The following MOK variants were observed in gnomAD, a reference collection of about 807,000 sequenced individuals.
MOK encodes the protein MOK protein kinase, also known as MAPK/MAK/MRK overlapping kinase.
A neutral mutation model predicts 54.2 loss-of-function variants in MOK; 59 were observed. That is an observed-to-expected ratio of 1.09 (90% CI 0.88 to 1.35). MOK has a LOEUF of 1.35. Ranked by LOEUF, MOK falls within the 40% of genes most tolerant of loss-of-function variation. MOK has a pLI of 0.00. For synonymous variants in MOK, 210 were observed against 202.7 expected (o/e 1.04, Z -0.31); for missense variants, 517 against 526.2 (o/e 0.98, Z 0.17).
In MOK at chr14:102,236,487, G is replaced by A. The variant is rs541261832; in HGVS notation, c.591-2698C>T. ...CCACACTCTTTCCTTATCATGCCTC[G>A]TTGCCCTACCCCCATCCTAGGCCAA... On this transcript the variant is annotated intron_variant, in intron 7 of 11. Coordinates refer to ENST00000361847, the MANE Select transcript of MOK (RefSeq NM_014226.3). The surrounding 1 kb of genome is among the most constrained non-coding windows in gnomAD (Gnocchi z 4.5). Among the ~76,000 whole-genome samples, 6 of 152,042 alleles carry A rather than the reference G, an allele frequency of 3.9e-5. No homozygotes were observed. Among genetic ancestry groups the A allele is most frequent in the African/African-American group, 1.2e-4 (5 of 41,374 alleles).
In MOK at chr14:102,229,438, G is replaced by C. The variant is rs781649039; in HGVS notation, c.1182+19C>G. On this transcript the variant is annotated intron_variant, in intron 11 of 11. Transcript: ENST00000361847. The stretch of plus-strand genomic sequence containing the variant: ...TGGGTCGAAGAGCAGCGCCGTCAGA[G>C]AAGCTGGTTCCGCGCTACCTTCTTG... The C allele has an allele frequency of 6.2e-7, 1 of 1,614,198 alleles. No individual in the cohort carries two copies. The highest frequency in any genetic ancestry group is 8.5e-7 in the Non-Finnish European group (1 of 1,180,026).
intron 1 of MOK, among the ~76,000 whole-genome samples, chr14:102,300,346 A>AAG (rs2072035523): frequency 6.7e-6 from 1 of 148,228 alleles, no homozygotes; most frequent in East Asian, 2.0e-4. Flanking sequence ...AAAAAAAAAA[A>AAG]GCCTGGGCTG....
At chr14:102,287,557 T>G (rs138658099) in intron 1 of MOK, among the ~76,000 whole-genome samples, 9 of 152,138 alleles carry the variant, frequency 5.9e-5, no homozygotes, top group African/African-American at 2.2e-4. Context: ...AACTAAAAGG[T>G]GATCAAAAGA....
intron 3 of MOK, among the ~76,000 whole-genome samples, chr14:102,265,500 T>C (rs921819078): frequency 1.3e-5 from 2 of 151,994 alleles, no homozygotes; most frequent in Admixed American, 1.3e-4. Context: ...GGCGTGGTTG[T>C]GGGTGCCTGT....
chr14:102,223,891 A>G (rs1049025620), downstream of MOK, among the ~76,000 whole-genome samples: 54 of 152,240 alleles, frequency 3.5e-4, no homozygotes, highest in African/African-American at 1.3e-3. Context: ...GGGCAGCTGC[A>G]CGTCTGCACA....
intron 7 of MOK, among the ~76,000 whole-genome samples, chr14:102,248,812 C>T (rs1343369985): frequency 2.6e-5 from 4 of 151,134 alleles, no homozygotes; most frequent in African/African-American, 4.9e-5. Context: ...CCCCAGGATG[C>T]GGCCATACCA....
Position 102,283,612 on chromosome 14 carries a change from C to T in MOK, c.8-20G>A, listed in dbSNP as rs776325576. The T allele has an allele frequency of 3.4e-5, 51 of 1,506,568 alleles. No individual in the cohort carries two copies. The highest frequency in any genetic ancestry group is 1.7e-4 in the Middle Eastern group (1 of 5,858). The allele number at this position is 1,506,568 out of a possible 1,614,324, so 93.3% of individuals were successfully genotyped here. ...TATAGTCTATAAATAAAAATGATTA[C>T]AAAAATAAAATGTTATTTATGCATA... is the stretch of plus-strand genomic sequence containing the variant. On this transcript the variant is annotated intron_variant, in intron 1 of 11. Transcript: ENST00000361847.
chr14:102,287,438 C>T (rs1044969130), intron 1 of MOK, among the ~76,000 whole-genome samples: 2 of 152,090 alleles, frequency 1.3e-5, no homozygotes, highest in East Asian at 1.9e-4. Context: ...GAAACCCCAT[C>T]GTACTAAAAA....
At position 102,231,839 on chromosome 14, in the gene MOK, A is replaced by G; in HGVS notation, c.867-18T>C. 1 of 1,603,790 alleles carries G rather than the reference A, an allele frequency of 6.2e-7. No homozygotes were observed. The highest frequency in any genetic ancestry group is 8.5e-7 in the Non-Finnish European group (1 of 1,171,842). On this transcript the variant is annotated intron_variant, in intron 9 of 11. Transcript: ENST00000361847. The surrounding 1 kb of genome is among the most constrained non-coding windows in gnomAD (Gnocchi z 4.4). ...CTGTTTTCCTACGGGGAAGGAGAAG[A>G]GAATGGAGCAGCTCCACTGAGAGCC...
downstream of MOK, chr14:102,223,238 C>A (rs7152124): frequency 2.6e-5 from 4 of 155,488 alleles, no homozygotes; most frequent in Admixed American, 1.3e-4. Flanking sequence ...CCCTGAAATT[C>A]AGCTGTTATA....
intron 7 of MOK, among the ~76,000 whole-genome samples, chr14:102,244,282 C>T (rs981226387): frequency 1.3e-5 from 2 of 152,210 alleles, no homozygotes; most frequent in South Asian, 2.1e-4. Context: ...TCATCGGTCA[C>T]TCCCACCTAC....
chr14:102,275,183 T>C (rs1005632760), intron 2 of MOK, among the ~76,000 whole-genome samples: 1 of 152,304 alleles, frequency 6.6e-6, no homozygotes, highest in African/African-American at 2.4e-5. Context: ...AGTCTTTTTT[T>C]AACAAATGAT....
intron 8 of MOK, 82 bp downstream of exon 8, chr14:102,233,606 G>T: frequency 8.1e-7 from 1 of 1,234,392 alleles, no homozygotes; most frequent in Non-Finnish European, 1.2e-6. Flanking sequence ...GGGGTTTGAG[G>T]GAGGCACAGG....
Position 102,250,824 on chromosome 14 carries a change from T to C in MOK, c.578A>G (p.Tyr193Cys). 1.2e-6 allele frequency: 2 copies of C among 1,613,664 alleles called. No homozygotes were observed. The highest frequency in any genetic ancestry group is 1.7e-6 in the Non-Finnish European group (2 of 1,179,824). Residue 193 changes from tyrosine to cysteine, a missense_variant, in exon 7 of 12, where the codon TAC becomes TGC. Transcript: ENST00000361847. Reference protein sequence around the residue: ...MDLWSAGCVFYEIASLQPLFP... With the variant: ...MDLWSAGCVFCEIASLQPLFP... ...GGCCTGGTGCTACCTGGCGATCTCG[T>C]AGAACACACAGCCGGCGCTCCACAG...
chr14:102,259,170 TGTAAA>T (rs1425248576), intron 4 of MOK, among the ~76,000 whole-genome samples: 11 of 152,226 alleles, frequency 7.2e-5, no homozygotes, highest in African/African-American at 2.4e-4. Context: ...TGCACACTGC[TGTAAA>T]GTAGACAATT....
At position 102,290,588 on chromosome 14, in the gene MOK, C is replaced by A. The variant is rs75172645; in HGVS notation, c.8-6996G>T. Among the ~76,000 whole-genome samples, 865 of 152,262 alleles carry A rather than the reference C, an allele frequency of 5.7e-3. 18 individuals carry two copies. Among genetic ancestry groups the A allele is most frequent in the East Asian group, 0.035 (180 of 5,188 alleles). On this transcript the variant is annotated intron_variant, in intron 1 of 11. Transcript: ENST00000361847. ...CCTGAGACAGAGCCAAGTGTCACAA[C>A]TGGTCTGTGTTATGAGCAAAAGAAA... is the stretch of plus-strand genomic sequence containing the variant.
rs2066473400 is a variant in MOK, at chr14:102,250,870, ACC to A, written c.530_531del (p.Gly177ValfsTer30). On this transcript the variant is annotated frameshift_variant, in exon 7 of 12. Transcript: ENST00000361847. LOFTEE classifies it high-confidence loss of function. ...YRAPECLLTD[G>X]FYTYKMDLWS... ...CACAGGTCCATCTTGTACGTGTAGA[ACC>A]CATCAGTGAGGAGACACTCCGGGGC... 2.5e-6 allele frequency: 4 copies of A among 1,613,824 alleles called. No individual in the cohort carries two copies. In the African/African-American group the frequency reaches 5.3e-5, roughly 22 times the overall value.
chr14:102,251,121 TGGC>T, intron 6 of MOK, 131 bp from the exon 7 acceptor site: 1 of 980,580 alleles, frequency 1.0e-6, no homozygotes, highest in Non-Finnish European at 1.5e-6. Flanking sequence ...TACAAATTAC[TGGC>T]TTTCTGAGCA....
chr14:102,232,107 A>T lies in MOK; in HGVS notation c.867-286T>A. ...CAGTTAGGCAAACAGGAGTGTCCAG[A>T]GGTCCGGAATTAGGTGACCTCAGGG... On this transcript the variant is annotated intron_variant, in intron 9 of 11. Coordinates refer to ENST00000361847, the MANE Select transcript of MOK (RefSeq NM_014226.3). The surrounding 1 kb of genome is among the most constrained non-coding windows in gnomAD (Gnocchi z 5.1). The T allele has an allele frequency of 2.5e-6, 1 of 400,104 alleles. No homozygotes were observed. Among genetic ancestry groups the T allele is most frequent in the Non-Finnish European group, 4.5e-6 (1 of 223,862 alleles). The allele number at this position is 400,104 out of a possible 1,614,324, so 24.8% of individuals were successfully genotyped here.
Sources: allele counts gnomAD v4.1 joint callset (sites outside exome capture counted in the v4.1 genomes callset), GRCh38; gene constraint gnomAD v4.1.1; non-coding constraint Gnocchi (gnomAD v3.1); transcripts MANE v1.5; gene names NCBI Gene and HGNC (gene_info 2026-07-23, HGNC 2026-07-21).